Variants in NFATC1 observed in about 807,000 individuals in gnomAD.
The protein encoded by NFATC1 is nuclear factor of activated T cells 1, also known as nuclear factor of activated T-cells, cytoplasmic 1.
In NFATC1, 22 loss-of-function variants were observed where a neutral mutation model predicts 76.0. That is an observed-to-expected ratio of 0.29 (90% CI 0.21 to 0.41). The LOEUF is 0.41. Ranked by LOEUF, NFATC1 falls within the 10% of genes least tolerant of loss-of-function variation. The pLI is 1.00. For synonymous variants in NFATC1, 704 were observed against 613.1 expected (o/e 1.15, Z -2.19); for missense variants, 1,357 against 1,337.7 (o/e 1.01, Z -0.23).
chr18:79,511,772 T>C (rs1199129043), intron 9 of NFATC1, among the ~76,000 whole-genome samples: 1 of 152,032 alleles, frequency 6.6e-6, no homozygotes, highest in Admixed American at 6.5e-5. Flanking sequence ...GGTGAGGCAC[T>C]GAGCTGGCCC....
chr18:79,400,570 G>C, intron 1 of NFATC1: 1 of 1,181,124 alleles, frequency 8.5e-7, no homozygotes, highest in Non-Finnish European at 1.1e-6. Context: ...CGCTCCCCGG[G>C]GACCCCAGGA....
At chr18:79,401,078 G>A (rs1225806279) in intron 1 of NFATC1, among the ~76,000 whole-genome samples, 2 of 144,466 alleles carry the variant, frequency 1.4e-5, no homozygotes, top group East Asian at 4.3e-4. Context: ...TCAGAAATAA[G>A]GGTTTCAGGT....
At chr18:79,476,297 C>T (rs2144995924) in intron 8 of NFATC1, among the ~76,000 whole-genome samples, 1 of 152,372 alleles carries the variant, frequency 6.6e-6, no homozygotes, top group East Asian at 1.9e-4. Context: ...GTGGCTCCAG[C>T]CGGAATGGCA....
chr18:79,453,332 C>A (rs1482647882), intron 6 of NFATC1, among the ~76,000 whole-genome samples: 1 of 152,236 alleles, frequency 6.6e-6, no homozygotes, highest in Non-Finnish European at 1.5e-5. Context: ...AGCCTCCCCC[C>A]GAATGCAGTC....
chr18:79,434,868 T>G (rs2086717842), intron 3 of NFATC1, among the ~76,000 whole-genome samples: 1 of 152,224 alleles, frequency 6.6e-6, no homozygotes, highest in Admixed American at 6.5e-5. Context: ...GATGTTAATG[T>G]GATGTTTGTG....
rs1035931083 is a variant in NFATC1, at chr18:79,518,860, G to A, written c.2783-8668G>A. 3.9e-5 allele frequency among the ~76,000 whole-genome samples: 6 copies of A among 152,358 alleles called. No individual in the cohort carries two copies. The South Asian group carries it at 6.2e-4, about 16-fold the overall frequency. On this transcript the variant is annotated intron_variant, in intron 9 of 9. Transcript: ENST00000427363. ...CTGTAACAAGGCGGCCAGTGCCCAC[G>A]GTGCAGGCAGGAGGCACCTTATCCC...
intron 6 of NFATC1, among the ~76,000 whole-genome samples, chr18:79,455,289 G>A (rs548071614): frequency 2.6e-5 from 4 of 152,340 alleles, no homozygotes; most frequent in East Asian, 1.9e-4. Context: ...ATCGCGCAGC[G>A]GGCAGGGCTC....
intron 9 of NFATC1, among the ~76,000 whole-genome samples, chr18:79,521,296 TGGG>T (rs1219440272): frequency 3.5e-5 from 1 of 28,888 alleles, no homozygotes; most frequent in Non-Finnish European, 6.0e-5. Flanking sequence ...TCTGTGTGTG[TGGG>T]GGGGGGCGTC....
At chr18:79,412,348 G>C (rs1219134374) in intron 2 of NFATC1, among the ~76,000 whole-genome samples, 2 of 152,122 alleles carry the variant, frequency 1.3e-5, no homozygotes, top group Non-Finnish European at 2.9e-5. Flanking sequence ...CATGGCCCGT[G>C]ACGTCAGGGC....
rs1197300873 is a variant in NFATC1, at chr18:79,409,014, C to T, written c.128-1389C>T. Among the ~76,000 whole-genome samples, 9 of 78,260 alleles carry T rather than the reference C, an allele frequency of 1.2e-4. 2 individuals are homozygous for T. Among genetic ancestry groups the T allele is most frequent in the Admixed American group, 9.0e-4 (6 of 6,690 alleles). 51.3% of individuals were successfully genotyped at this position (78,260 alleles called of 152,430 possible). On this transcript the variant is annotated intron_variant, in intron 1 of 9. Coordinates refer to ENST00000427363, the MANE Select transcript of NFATC1 (RefSeq NM_001278669.2). ...ATTATTCCTCCATTCCCTATCCATC[C>T]GTCCATCCATCATCCATCCATCATC...
intron 6 of NFATC1, among the ~76,000 whole-genome samples, chr18:79,454,763 AG>A (rs1407300563): frequency 6.6e-6 from 1 of 152,138 alleles, no homozygotes; most frequent in East Asian, 1.9e-4. Flanking sequence ...TGGGGAGCCG[AG>A]GGCCGGGTGT....
chr18:79,520,260 C>T (rs2090484468), intron 9 of NFATC1, among the ~76,000 whole-genome samples: 1 of 151,868 alleles, frequency 6.6e-6, no homozygotes, highest in Admixed American at 6.6e-5. Flanking sequence ...GAGTCGGCAG[C>T]CCTCGCGTGG....
At chr18:79,416,290 T>A (rs542272851) in intron 2 of NFATC1, among the ~76,000 whole-genome samples, 30 of 152,358 alleles carry the variant, frequency 2.0e-4, no homozygotes, top group African/African-American at 7.0e-4. Context: ...GACTCTGTCT[T>A]CTCTTTCGCA....
At chr18:79,398,948 TCC>T (rs2085091889) in intron 1 of NFATC1, among the ~76,000 whole-genome samples, 1 of 152,210 alleles carries the variant, frequency 6.6e-6, no homozygotes, top group Non-Finnish European at 1.5e-5. Context: ...GTGCCTGTAG[TCC>T]CAGCTACTCT....
At chr18:79,471,383 G>C (rs532471599) in intron 8 of NFATC1, among the ~76,000 whole-genome samples, 3 of 152,348 alleles carry the variant, frequency 2.0e-5, no homozygotes, top group African/African-American at 7.2e-5. Context: ...CTGTCTCGTG[G>C]GGGGCTGCGG....
chr18:79,521,295 GT>G (rs1379705826), intron 9 of NFATC1, among the ~76,000 whole-genome samples: 1 of 72,232 alleles, frequency 1.4e-5, no homozygotes, highest in Non-Finnish European at 2.6e-5. Context: ...GTCTGTGTGT[GT>G]GGGGGGGGGC....
At position 79,414,708 on chromosome 18, in the gene NFATC1, C is replaced by G. The variant is rs530642325; in HGVS notation, c.1226+3207C>G. On this transcript the variant is annotated intron_variant, in intron 2 of 9. Coordinates refer to ENST00000427363, the MANE Select transcript of NFATC1 (RefSeq NM_001278669.2). ...AATCACAGGCCACCTGCTATACCCCCTAAAAATTAGAATCTTAAGCTGTGA... is the reference window on the plus strand; with the variant it reads ...AATCACAGGCCACCTGCTATACCCCGTAAAAATTAGAATCTTAAGCTGTGA... Among the ~76,000 whole-genome samples the G allele has an allele frequency of 2.6e-5, 4 of 152,248 alleles. No individual in the cohort carries two copies. The South Asian group carries it at 8.3e-4, about 32-fold the overall frequency.
At chr18:79,455,078 A>G (rs1274841784) in intron 6 of NFATC1, among the ~76,000 whole-genome samples, 4 of 152,260 alleles carry the variant, frequency 2.6e-5, no homozygotes, top group Non-Finnish European at 5.9e-5. Context: ...GAGATGAGAC[A>G]GAAGGCGCAA....
chr18:79,467,794 G>C, intron 8 of NFATC1: 1 of 167,026 alleles, frequency 6.0e-6, no homozygotes. Context: ...TTGGGGGTGG[G>C]GGGCGGGGGT....
Sources: gnomAD v4.1 joint callset for allele counts (sites outside exome capture counted in the v4.1 genomes callset) on GRCh38, gnomAD v4.1.1 for gene constraint, MANE v1.5 for transcripts, NCBI Gene and HGNC (gene_info 2026-07-23, HGNC 2026-07-21) for gene names.